Variants in PCDHGA10 observed in about 807,000 individuals in gnomAD.
PCDHGA10 encodes protocadherin gamma subfamily A, 10.
A neutral mutation model predicts 59.5 loss-of-function variants in PCDHGA10; 42 were observed. That is an observed-to-expected ratio of 0.71 (90% confidence interval 0.55 to 0.91). The LOEUF (loss-of-function observed/expected upper bound fraction) is 0.91, where lower values mean the gene tolerates loss of function less well. PCDHGA10 is among the 40% of genes least tolerant of loss of function. PCDHGA10 has a pLI of 0.00. For missense variants in PCDHGA10, 1,111 were observed against 1,198.2 expected (o/e 0.93, Z 1.07); for synonymous variants, 511 against 517.2 (o/e 0.99, Z 0.16).
Position 141,490,869 on chromosome 5 carries a change from A to AT in PCDHGA10, c.2437-3936dup. 1.2e-6 allele frequency: 2 copies of AT among 1,613,902 alleles called. No individual in the cohort carries two copies. Among genetic ancestry groups the AT allele is most frequent in the Non-Finnish European group, 8.5e-7 (1 of 1,179,954 alleles). ...GGGTTCGAGACTCCGGCTCTCCCCC[A>AT]TTGCATGCCAACACATCTCTGCATG... On this transcript the variant is annotated intron_variant, in intron 1 of 3. Coordinates refer to ENST00000398610, the MANE Select transcript of PCDHGA10 (RefSeq NM_018913.3). This position sits in a 1 kb window ranked among gnomAD's most constrained non-coding sequence, Gnocchi z 5.4.
chr5:141,454,675 G>A (rs973403044), intron 1 of PCDHGA10, among the ~76,000 whole-genome samples: 8 of 151,764 alleles, frequency 5.3e-5, no homozygotes, highest in Non-Finnish European at 1.0e-4. Context: ...CAAAACACTG[G>A]GATTACAGGC....
At chr5:141,419,325 A>C in intron 1 of PCDHGA10, 1 of 1,613,702 alleles carries the variant, frequency 6.2e-7, no homozygotes, top group African/African-American at 1.3e-5. Flanking sequence ...CGTGTCTCCT[A>C]CTCTCTCATT....
chr5:141,441,819 G>A (rs1040935030), intron 1 of PCDHGA10: 6 of 359,092 alleles, frequency 1.7e-5, no homozygotes, highest in Non-Finnish European at 3.3e-5. Context: ...CCCCAGCTCT[G>A]GAGCGCAATG....
At position 141,511,574 on chromosome 5, in the gene PCDHGA10, GT is replaced by G. The variant is rs1158598698; in HGVS notation, c.*403del. ...CAGTTCCTCTTTCCCGAGTAAGGTG[GT>G]TGGGGTGTTGAAGTACCAAGTAACC... On this transcript the variant is annotated 3_prime_UTR_variant, in exon 4 of 4. Coordinates refer to ENST00000398610, the MANE Select transcript of PCDHGA10 (RefSeq NM_018913.3). 3.5e-6 allele frequency: 1 copy of G among 287,556 alleles called. No individual in the cohort carries two copies. The highest frequency in any genetic ancestry group is 2.2e-5 in the African/African-American group (1 of 46,340). 17.8% of individuals were successfully genotyped at this position (287,556 alleles called of 1,614,324 possible).
At chr5:141,435,008 A>G (rs961813777) in intron 1 of PCDHGA10, among the ~76,000 whole-genome samples, 3 of 152,130 alleles carry the variant, frequency 2.0e-5, no homozygotes, top group African/African-American at 7.2e-5. Context: ...GAATTTATCA[A>G]TGATAATGCT....
intron 1 of PCDHGA10, chr5:141,433,359 CT>C: frequency 8.7e-6 from 2 of 228,708 alleles, no homozygotes; most frequent in Non-Finnish European, 1.6e-5. Context: ...TACTGTCTGC[CT>C]ATCTATCTAT....
intron 2 of PCDHGA10, among the ~76,000 whole-genome samples, chr5:141,501,324 CA>C (rs1311475307): frequency 7.2e-5 from 11 of 151,778 alleles, no homozygotes; most frequent in African/African-American, 1.9e-4. Flanking sequence ...CACACACACA[CA>C]CACACACACC....
In PCDHGA10 at chr5:141,413,075, A is replaced by G. The variant is rs1013709122; in HGVS notation, c.-101A>G. 4 of 1,246,610 alleles carry G rather than the reference A, an allele frequency of 3.2e-6. No homozygotes were observed. The highest frequency in any genetic ancestry group is 3.1e-5 in the South Asian group (2 of 64,156). 77.2% of individuals were successfully genotyped at this position (1,246,610 alleles called of 1,614,324 possible). A position where few individuals can be genotyped will look rare whatever the true frequency, so the allele number is the denominator to read the frequency against. On this transcript the variant is annotated 5_prime_UTR_variant, in exon 1 of 4. Coordinates refer to ENST00000398610, the MANE Select transcript of PCDHGA10 (RefSeq NM_018913.3). ...GCTCACTCCAGAATTTAAAGTGCCC[A>G]GGCTACAGAGACACCCTGAAGCCAC...
chr5:141,491,138 C>T lies in PCDHGA10; in HGVS notation c.2437-3669C>T. The T allele has an allele frequency of 1.2e-6, 2 of 1,614,106 alleles. No individual in the cohort carries two copies. The highest frequency in any genetic ancestry group is 1.7e-6 in the Non-Finnish European group (2 of 1,179,962). On this transcript the variant is annotated intron_variant, in intron 1 of 3. Transcript: ENST00000398610. The surrounding 1 kb of genome is among the most constrained non-coding windows in gnomAD (Gnocchi z 6.9). ...ACTGGTGAGGTGCGCACAGCCCGGG[C>T]CTTACTGGAGGATGACTCTGACACC...
intron 1 of PCDHGA10, among the ~76,000 whole-genome samples, chr5:141,474,763 A>G (rs2099354251): frequency 6.6e-6 from 1 of 152,254 alleles, no homozygotes; most frequent in Non-Finnish European, 1.5e-5. Flanking sequence ...ATATACAGAA[A>G]TAGTATGAGG....
chr5:141,432,974 C>T lies in PCDHGA10; in HGVS notation c.2436+17363C>T. ...CGGCTTGACAGGAGCGCCGGCGTCG[C>T]ACTTTGTGGGCGTGGACGGGGTGCA... On this transcript the variant is annotated intron_variant, in intron 1 of 3. Coordinates refer to ENST00000398610, the MANE Select transcript of PCDHGA10 (RefSeq NM_018913.3). This position sits in a 1 kb window ranked among gnomAD's most constrained non-coding sequence, Gnocchi z 6.0. 6.2e-7 allele frequency: 1 copy of T among 1,614,204 alleles called. No individual in the cohort carries two copies. Among genetic ancestry groups the T allele is most frequent in the Non-Finnish European group, 8.5e-7 (1 of 1,180,030 alleles).
At chr5:141,478,766 T>C in intron 1 of PCDHGA10, 2 of 1,505,456 alleles carry the variant, frequency 1.3e-6, no homozygotes, top group Non-Finnish European at 1.8e-6. Flanking sequence ...GATACTTGAC[T>C]CATCTGTGGA....
At chr5:141,444,873 C>T (rs1298516499) in intron 1 of PCDHGA10, among the ~76,000 whole-genome samples, 1 of 152,080 alleles carries the variant, frequency 6.6e-6, no homozygotes, top group African/African-American at 2.4e-5. Flanking sequence ...CAGGACAAAG[C>T]TTGTAGGATT....
chr5:141,420,197 A>C (rs760921171), intron 1 of PCDHGA10: 2 of 1,613,630 alleles, frequency 1.2e-6, no homozygotes, highest in South Asian at 2.2e-5. Context: ...CACACAAGAT[A>C]ACCTCAACAA....
In PCDHGA10 at chr5:141,493,103, A is replaced by G. The variant is rs1396614836; in HGVS notation, c.2437-1704A>G. Among the ~76,000 whole-genome samples the G allele has an allele frequency of 6.6e-6, 1 of 152,086 alleles. No homozygotes were observed. The highest frequency in any genetic ancestry group is 1.5e-5 in the Non-Finnish European group (1 of 68,022). On this transcript the variant is annotated intron_variant, in intron 1 of 3. Transcript: ENST00000398610. The surrounding 1 kb of genome is among the most constrained non-coding windows in gnomAD (Gnocchi z 4.3). ...AGGAGCTTTTATTCAAAATATATCA[A>G]TGCCTAACTCTGCTCCTAGGACTGT...
rs764658508 is a variant in PCDHGA10 at position 141,431,546 on chromosome 5, G to A, written c.2436+15935G>A. 1.2e-6 allele frequency: 2 copies of A among 1,614,000 alleles called. No homozygotes were observed. Among genetic ancestry groups the A allele is most frequent in the Admixed American group, 3.3e-5 (2 of 60,012 alleles). On this transcript the variant is annotated intron_variant, in intron 1 of 3. Coordinates refer to ENST00000398610, the MANE Select transcript of PCDHGA10 (RefSeq NM_018913.3). This position sits in a 1 kb window ranked among gnomAD's most constrained non-coding sequence, Gnocchi z 4.8. The stretch of plus-strand genomic sequence containing the variant: ...TCTGGCCTTGGGCACGCAGCTGCTT[G>A]TAGTCAACGCTACCGACCCTGACGA...
In PCDHGA10 at chr5:141,490,499, A is replaced by G. The variant is rs1269710790; in HGVS notation, c.2437-4308A>G. On this transcript the variant is annotated intron_variant, in intron 1 of 3. Coordinates refer to ENST00000398610, the MANE Select transcript of PCDHGA10 (RefSeq NM_018913.3). The surrounding 1 kb of genome is among the most constrained non-coding windows in gnomAD (Gnocchi z 5.4). ...TTGGACCGGGAGGCCACATCCCACT[A>G]TATCATCGAGCTGCTGGCCAGCGAT... 1.2e-6 allele frequency: 2 copies of G among 1,614,148 alleles called. No homozygotes were observed. Among genetic ancestry groups the G allele is most frequent in the Non-Finnish European group, 8.5e-7 (1 of 1,180,020 alleles).
rs920444759 is a variant in PCDHGA10, at chr5:141,432,767, C to G, written c.2436+17156C>G. On this transcript the variant is annotated intron_variant, in intron 1 of 3. Transcript: ENST00000398610. The surrounding 1 kb of genome is among the most constrained non-coding windows in gnomAD (Gnocchi z 6.0). ...CGTGGCCGTGGCCGACAGCATCCCC[C>G]AAGTCCTGGCGGACCTCGGCAGCCT... 2 of 1,614,058 alleles carry G rather than the reference C, an allele frequency of 1.2e-6. No individual in the cohort carries two copies. Among genetic ancestry groups the G allele is most frequent in the Admixed American group, 1.7e-5 (1 of 60,012 alleles).
At chr5:141,427,008 C>G (rs762510673) in intron 1 of PCDHGA10, 145 of 456,786 alleles carry the variant, frequency 3.2e-4, no homozygotes, top group African/African-American at 2.8e-3. Context: ...AGTTTTTAGC[C>G]AGGATGTATA....
Sources: allele counts gnomAD v4.1 joint callset (sites outside exome capture counted in the v4.1 genomes callset), GRCh38; gene constraint gnomAD v4.1.1; non-coding constraint Gnocchi (gnomAD v3.1); transcripts MANE v1.5; gene names NCBI Gene and HGNC (gene_info 2026-07-23, HGNC 2026-07-21).